Variants in CCSER1 observed in about 807,000 individuals in gnomAD.
CCSER1 encodes coiled-coil serine rich protein 1, also known as serine-rich coiled-coil domain-containing protein 1.
In CCSER1, 41 loss-of-function variants were observed where a neutral mutation model predicts 82.0. The observed-to-expected ratio is 0.50, with a 90% CI of 0.39 to 0.65. The LOEUF (loss-of-function observed/expected upper bound fraction) is 0.65, where lower values mean the gene tolerates loss of function less well. Among genes scored for constraint, CCSER1 ranks in the 30% least tolerant of loss-of-function variants. The pLI, the probability that CCSER1 is intolerant of heterozygous loss-of-function variation, is 0.00. For missense variants in CCSER1, 1,119 were observed against 1,064.2 expected (o/e 1.05, Z -0.72); for synonymous variants, 414 against 383.9 (o/e 1.08, Z -0.92).
rs370300288 is a variant in CCSER1, at chr4:91,151,442, T to C, written c.2217+65448T>C. ...CCAGCTCCTGGATTCATTGATTTTT[T>C]GAAGGGTTTCTTGTGTCTCTATTTC... On this transcript the variant is annotated intron_variant, in intron 10 of 10. Transcript: ENST00000509176. 1.1e-4 allele frequency among the ~76,000 whole-genome samples: 16 copies of C among 152,314 alleles called. No homozygotes were observed. The East Asian group carries it at 2.9e-3, about 28-fold the overall frequency.
In CCSER1 at chr4:90,450,891, T is replaced by G. The variant is rs150778375; in HGVS notation, c.1604-17343T>G. On this transcript the variant is annotated intron_variant, in intron 4 of 10. Transcript: ENST00000509176. ...TTGTATGCTTAATTAAATCAGAGCT[T>G]TTTCAGTCTAGCAAGAAATCATTGG... Among the ~76,000 whole-genome samples, 272 of 152,272 alleles carry G rather than the reference T, an allele frequency of 1.8e-3. 1 individual carries two copies. Among genetic ancestry groups the G allele is most frequent in the African/African-American group, 5.9e-3 (245 of 41,554 alleles).
At chr4:90,983,144 A>C (rs1334415717) in intron 9 of CCSER1, among the ~76,000 whole-genome samples, 1 of 151,780 alleles carries the variant, frequency 6.6e-6, no homozygotes, top group Non-Finnish European at 1.5e-5. Context: ...AACAGTTTGG[A>C]GTATATTAAA....
chr4:91,375,734 C>T lies in CCSER1; in HGVS notation c.2218-222838C>T, dbSNP rs570391832. ...TTGTGTTTAAAAGTGAAACAAATAG[C>T]TGATAAAAGAAAGACTTATTTCAAC... On this transcript the variant is annotated intron_variant, in intron 10 of 10. Coordinates refer to ENST00000509176, the MANE Select transcript of CCSER1 (RefSeq NM_001145065.2). Among the ~76,000 whole-genome samples the T allele has an allele frequency of 9.2e-5, 14 of 151,974 alleles. No homozygotes were observed. The East Asian group carries it at 2.7e-3, about 29-fold the overall frequency.
At chr4:91,524,823 G>T (rs1470396393) in intron 10 of CCSER1, among the ~76,000 whole-genome samples, 1 of 152,088 alleles carries the variant, frequency 6.6e-6, no homozygotes, top group African/African-American at 2.4e-5. Context: ...AAAGGGCATG[G>T]TTATATTGTC....
At chr4:90,145,573 T>A (rs143240476) in intron 1 of CCSER1, among the ~76,000 whole-genome samples, 5 of 152,250 alleles carry the variant, frequency 3.3e-5, no homozygotes, top group African/African-American at 9.6e-5. Flanking sequence ...TATGTTCACA[T>A]CTGTGTTTAT....
intron 10 of CCSER1, among the ~76,000 whole-genome samples, chr4:91,261,084 TC>T (rs899182310): frequency 6.6e-6 from 1 of 152,180 alleles, no homozygotes; most frequent in African/African-American, 2.4e-5. Flanking sequence ...TTTTAAAATA[TC>T]CTCTTGCCTT....
chr4:90,851,052 C>G (rs1488404715), intron 8 of CCSER1, among the ~76,000 whole-genome samples: 1 of 152,178 alleles, frequency 6.6e-6, no homozygotes, highest in South Asian at 2.1e-4. Context: ...GGGGCTTCCC[C>G]CTTCACTCCA....
chr4:91,007,726 CTTTA>C (rs886974648), intron 9 of CCSER1, among the ~76,000 whole-genome samples: 2 of 145,222 alleles, frequency 1.4e-5, no homozygotes, highest in Non-Finnish European at 3.0e-5. Flanking sequence ...TTTTTGTCAT[CTTTA>C]TTTCTTTTAC....
At chr4:91,483,440 CT>C (rs968283139) in intron 10 of CCSER1, among the ~76,000 whole-genome samples, 146 of 145,114 alleles carry the variant, frequency 1.0e-3, no homozygotes, top group Admixed American at 1.0e-3. Context: ...TACTTTTTTA[CT>C]TTTTTTTTTT....
At chr4:90,510,787 C>G (rs1031009966) in intron 5 of CCSER1, among the ~76,000 whole-genome samples, 2 of 152,100 alleles carry the variant, frequency 1.3e-5, no homozygotes, top group Non-Finnish European at 2.9e-5. Context: ...GATCATAGAG[C>G]AAAGGATAGG....
intron 8 of CCSER1, among the ~76,000 whole-genome samples, chr4:90,824,115 G>A (rs1329357705): frequency 6.6e-6 from 1 of 151,778 alleles, no homozygotes; most frequent in Non-Finnish European, 1.5e-5. Context: ...ATGAACTCAA[G>A]AAAGCCAGGC....
intron 9 of CCSER1, among the ~76,000 whole-genome samples, chr4:90,985,310 C>G (rs966011162): frequency 3.0e-4 from 45 of 151,392 alleles, no homozygotes; most frequent in African/African-American, 1.1e-3. Context: ...AAGTGATAGG[C>G]TTTTATTCCT....
chr4:90,708,344 C>A (rs1369447272), intron 6 of CCSER1, among the ~76,000 whole-genome samples: 1 of 152,218 alleles, frequency 6.6e-6, no homozygotes, highest in Non-Finnish European at 1.5e-5. Flanking sequence ...AACACACGTT[C>A]TCTGCATGTG....
intron 10 of CCSER1, among the ~76,000 whole-genome samples, chr4:91,297,962 G>C (rs1744346547): frequency 6.6e-6 from 1 of 151,898 alleles, no homozygotes; most frequent in Non-Finnish European, 1.5e-5. Context: ...ATAAAAATTT[G>C]TTCACTTAAT....
At chr4:91,178,672 C>T (rs1268825420) in intron 10 of CCSER1, among the ~76,000 whole-genome samples, 1 of 152,082 alleles carries the variant, frequency 6.6e-6, no homozygotes, top group Non-Finnish European at 1.5e-5. Flanking sequence ...GATCTTCCTC[C>T]ATCCCTTTAT....
intron 10 of CCSER1, among the ~76,000 whole-genome samples, chr4:91,122,582 A>G (rs1727183407): frequency 1.3e-5 from 2 of 151,842 alleles, no homozygotes; most frequent in African/African-American, 4.8e-5. Flanking sequence ...AAACCTATTA[A>G]ATACTGATCC....
chr4:90,141,248 C>A (rs1724735766), intron 1 of CCSER1, among the ~76,000 whole-genome samples: 1 of 152,110 alleles, frequency 6.6e-6, no homozygotes, highest in East Asian at 1.9e-4. Context: ...AGATGAGACC[C>A]ACCCCACATT....
chr4:90,752,752 C>T (rs1467095640), intron 7 of CCSER1, among the ~76,000 whole-genome samples: 1 of 152,044 alleles, frequency 6.6e-6, no homozygotes, highest in Non-Finnish European at 1.5e-5. Context: ...TTATTTATCT[C>T]CATCTCAGGT....
At chr4:90,798,975 C>T (rs1260287727) in intron 7 of CCSER1, among the ~76,000 whole-genome samples, 3 of 152,208 alleles carry the variant, frequency 2.0e-5, no homozygotes, top group Admixed American at 6.5e-5. Flanking sequence ...GATCAGTCCT[C>T]GTTCTCACGT....
Sources: allele counts gnomAD v4.1 joint callset (sites outside exome capture counted in the v4.1 genomes callset), GRCh38; gene constraint gnomAD v4.1.1; transcripts MANE v1.5; gene names NCBI Gene and HGNC (gene_info 2026-07-23, HGNC 2026-07-21).